SORCS3: variants seen among roughly 807,000 people sequenced by gnomAD.
The protein encoded by SORCS3 is VPS10 domain-containing receptor SorCS3.
Under a neutral mutation model 146.3 loss-of-function variants are expected in SORCS3, and 57 were observed. The observed-to-expected ratio is 0.39, with a 90% CI of 0.31 to 0.49. The LOEUF is 0.49. Ranked by LOEUF, SORCS3 falls within the 20% of genes least tolerant of loss-of-function variation. SORCS3 has a pLI of 0.92. For missense variants in SORCS3, 1,341 were observed against 1,575.5 expected (o/e 0.85, Z 2.52); for synonymous variants, 653 against 618.5 (o/e 1.06, Z -0.83).
At chr10:104,731,154 C>CCTTGCCTA (rs2016702113) in intron 1 of SORCS3, among the ~76,000 whole-genome samples, 1 of 152,184 alleles carries the variant, frequency 6.6e-6, no homozygotes, top group South Asian at 2.1e-4. Flanking sequence ...GCCCGCATTC[C>CCTTGCCTA]CTTGCCTAGT....
At chr10:104,687,654 A>C (rs937178120) in intron 1 of SORCS3, among the ~76,000 whole-genome samples, 3 of 152,106 alleles carry the variant, frequency 2.0e-5, no homozygotes, top group African/African-American at 7.2e-5. Flanking sequence ...TTCAAGCTGA[A>C]GGGCAATAAT....
chr10:104,687,292 G>A (rs780972559), intron 1 of SORCS3, among the ~76,000 whole-genome samples: 21 of 152,168 alleles, frequency 1.4e-4, no homozygotes, highest in Non-Finnish European at 2.4e-4. Flanking sequence ...TGGAGAATGG[G>A]GTGCTGCCTA....
In SORCS3 at chr10:105,209,196, C is replaced by T. The variant is rs376837762; in HGVS notation, c.2262-1941C>T. 1.3e-4 allele frequency among the ~76,000 whole-genome samples: 20 copies of T among 152,112 alleles called. No individual in the cohort carries two copies. In the East Asian group the frequency reaches 2.1e-3, roughly 16 times the overall value. ...CGCTCTTGTTGCCCAGGCTGGAGTG[C>T]AGTGGTGCGGTCTTGGTTCACTGTA... On this transcript the variant is annotated intron_variant, in intron 16 of 26. Transcript: ENST00000369701.
At chr10:105,251,816 A>T (rs1305195263) in intron 22 of SORCS3, among the ~76,000 whole-genome samples, 1 of 152,038 alleles carries the variant, frequency 6.6e-6, no homozygotes, top group African/African-American at 2.4e-5. Flanking sequence ...TTTACTAACC[A>T]CTCAGGAATA....
intron 3 of SORCS3, among the ~76,000 whole-genome samples, chr10:104,946,251 G>A (rs183830099): frequency 1.0e-3 from 152 of 151,990 alleles, no homozygotes; most frequent in Non-Finnish European, 1.5e-4. Flanking sequence ...AGAATAAAGA[G>A]TTGCAAATAC....
At chr10:104,911,992 C>T (rs191166187) in intron 2 of SORCS3, among the ~76,000 whole-genome samples, 6 of 152,302 alleles carry the variant, frequency 3.9e-5, no homozygotes, top group African/African-American at 1.4e-4. Context: ...AATTTTTCAT[C>T]CACTGACCTC....
chr10:104,841,652 A>C (rs2018140980), intron 1 of SORCS3, among the ~76,000 whole-genome samples: 1 of 152,214 alleles, frequency 6.6e-6, no homozygotes, highest in Non-Finnish European at 1.5e-5. Context: ...AATGTGCAAT[A>C]TAATGGCTGA....
At chr10:105,134,129 G>A (rs779364895) in intron 7 of SORCS3, among the ~76,000 whole-genome samples, 3 of 152,146 alleles carry the variant, frequency 2.0e-5, no homozygotes, top group South Asian at 2.1e-4. Context: ...TAAGAAAGAT[G>A]GACAGAGGAT....
chr10:105,138,850 G>A (rs926192253), intron 7 of SORCS3, among the ~76,000 whole-genome samples: 7 of 152,292 alleles, frequency 4.6e-5, no homozygotes, highest in South Asian at 4.1e-4. Context: ...TATCTTGTAC[G>A]TGGAAAGAGT....
chr10:105,262,299 T>A (rs966100005), intron 25 of SORCS3, 32 bp from the exon 26 acceptor site: 1 of 1,604,498 alleles, frequency 6.2e-7, no homozygotes, highest in South Asian at 1.1e-5. Flanking sequence ...CACCCTGTGA[T>A]CTTAACCTGA....
chr10:104,852,667 T>A (rs1907034), intron 2 of SORCS3, among the ~76,000 whole-genome samples: 127,607 of 151,850 alleles, frequency 0.84, 54,064 homozygotes, highest in East Asian at 0.98. Context: ...TGGATAACTC[T>A]CCCACAGCAT....
At chr10:104,855,298 A>G (rs1353642862) in intron 2 of SORCS3, among the ~76,000 whole-genome samples, 1 of 152,148 alleles carries the variant, frequency 6.6e-6, no homozygotes, top group Non-Finnish European at 1.5e-5. Context: ...TAGCTGTTCT[A>G]GGGCCTGTGC....
At chr10:105,222,205 G>T (rs1033282768) in intron 19 of SORCS3, among the ~76,000 whole-genome samples, 10 of 151,574 alleles carry the variant, frequency 6.6e-5, no homozygotes, top group Non-Finnish European at 1.3e-4. Flanking sequence ...ATTAAAAGCG[G>T]CTGCCACCAT....
At position 104,886,735 on chromosome 10, in the gene SORCS3, C is replaced by T. The variant is rs532376508; in HGVS notation, c.696-29098C>T. Among the ~76,000 whole-genome samples the T allele has an allele frequency of 1.2e-3, 180 of 152,224 alleles. 1 individual carries two copies. The highest frequency in any genetic ancestry group is 3.9e-3 in the African/African-American group (162 of 41,532). ...TGCCATCTTTTTATGTTTAATTTAA[C>T]ATTTGAAAGAAGGTGGGGAAAATAT... On this transcript the variant is annotated intron_variant, in intron 2 of 26. Coordinates refer to ENST00000369701, the MANE Select transcript of SORCS3 (RefSeq NM_014978.3).
At chr10:104,882,593 G>A (rs2018642418) in intron 2 of SORCS3, among the ~76,000 whole-genome samples, 2 of 152,124 alleles carry the variant, frequency 1.3e-5, no homozygotes. Flanking sequence ...CACAGAGAGA[G>A]AAAGCATTGG....
At chr10:104,769,052 C>T (rs1156595406) in intron 1 of SORCS3, among the ~76,000 whole-genome samples, 1 of 152,192 alleles carries the variant, frequency 6.6e-6, no homozygotes, top group African/African-American at 2.4e-5. Context: ...CCTCTCCCAC[C>T]ACTCTATCTT....
At chr10:104,740,308 T>G (rs2016826475) in intron 1 of SORCS3, among the ~76,000 whole-genome samples, 1 of 152,238 alleles carries the variant, frequency 6.6e-6, no homozygotes, top group Non-Finnish European at 1.5e-5. Flanking sequence ...TGCAGTTTTG[T>G]ATCCCTTGAT....
intron 1 of SORCS3, among the ~76,000 whole-genome samples, chr10:104,732,418 G>A (rs1418644375): frequency 6.6e-6 from 1 of 152,158 alleles, no homozygotes; most frequent in African/African-American, 2.4e-5. Context: ...CATTTGAAAG[G>A]CAGGTCACTC....
intron 1 of SORCS3, 68 bp downstream of exon 1, chr10:104,642,022 G>GGGGGGGGGGGGGGGGCGCCCCCC: frequency 5.8e-6 from 1 of 173,336 alleles, no homozygotes; most frequent in Non-Finnish European, 1.1e-5. Context: ...GGGTGGGTGG[G>GGGGGGGGGGGGGGGGCGCCCCCC]AGCGAGGGAC....
Sources: gnomAD v4.1 joint callset for allele counts (sites outside exome capture counted in the v4.1 genomes callset) on GRCh38, gnomAD v4.1.1 for gene constraint, MANE v1.5 for transcripts, NCBI Gene and HGNC (gene_info 2026-07-23, HGNC 2026-07-21) for gene names.